MUC22: variants seen among roughly 807,000 people sequenced by gnomAD.
MUC22 encodes the protein mucin 22.
MUC22 carries 24 observed loss-of-function variants against 40.3 expected under a neutral mutation model. The ratio of observed to expected loss-of-function variants is 0.60; its 90% CI spans 0.43 to 0.84. MUC22 has a LOEUF of 0.84. Ranked by LOEUF, MUC22 falls within the 40% of genes least tolerant of loss-of-function variation. The probability of loss-of-function intolerance (pLI) is 0.00; values close to 1 mark genes in which losing one functional copy is unlikely to be tolerated. For synonymous variants in MUC22, 765 were observed against 844.5 expected, an observed-to-expected ratio of 0.91 and a Z score of 1.63; for missense variants, 1,926 against 2,130.7, an observed-to-expected ratio of 0.90 and a Z score of 1.89.
chr6:31,028,926 C>CTACCACAGGCTCTGAGATG lies in MUC22; in HGVS notation c.3495_3496insTACCACAGGCTCTGAGATG (p.Thr1166TyrfsTer5), dbSNP rs1167071722. 2 of 1,506,308 alleles carry CTACCACAGGCTCTGAGATG rather than the reference C, an allele frequency of 1.3e-6. No individual in the cohort carries two copies. The highest frequency in any genetic ancestry group is 2.8e-5 in the African/African-American group (2 of 70,452). The allele number at this position is 1,506,308 out of a possible 1,614,324, so 93.3% of individuals were successfully genotyped here. On this transcript the variant is annotated stop_gained and frameshift_variant, in exon 2 of 4. Coordinates refer to ENST00000561890, the Ensembl canonical transcript of MUC22. LOFTEE classifies it high-confidence loss of function. ...CAGCCTCTACTGAAGGCTCTGAGAT[C>CTACCACAGGCTCTGAGATG]ACTACAGTTTCTACCACAGGCTCTG... is the stretch of plus-strand genomic sequence containing the variant.
At chr6:31,006,187 A>C (rs1052901902), upstream of MUC22, 7 of 349,438 alleles carry the variant, frequency 2.0e-5, no homozygotes, top group East Asian at 7.7e-4. Context: ...ATCATAAGAG[A>C]AGCATTTTTG....
chr6:31,020,725 G>C (rs1428035249), intron 1 of MUC22, among the ~76,000 whole-genome samples: 2 of 152,214 alleles, frequency 1.3e-5, no homozygotes, highest in Non-Finnish European at 2.9e-5. Flanking sequence ...TGTGGAGGGA[G>C]AGGTGCGAGC....
chr6:31,025,842 C>A (rs1223438046), exon 2 of MUC22: 1 of 1,533,552 alleles, frequency 6.5e-7, no homozygotes, highest in South Asian at 1.2e-5. Flanking sequence ...TCTCTGGGAC[C>A]ACAACAACCT....
At chr6:31,022,069 C>T (rs943910611) in intron 1 of MUC22, among the ~76,000 whole-genome samples, 5 of 152,046 alleles carry the variant, frequency 3.3e-5, no homozygotes, top group African/African-American at 9.7e-5. Context: ...AGGTTTGCAG[C>T]TTCACTCATG....
chr6:31,017,047 T>C (rs9262477), intron 1 of MUC22, among the ~76,000 whole-genome samples: 58,559 of 152,018 alleles, frequency 0.39, 11,502 homozygotes, highest in East Asian at 0.47. Context: ...GGGCACGGCT[T>C]GGGACCTGCA....
Position 31,032,263 on chromosome 6 carries a change from C to T in MUC22, c.4737C>T (p.Phe1579=), listed in dbSNP as rs185820579. The T allele has an allele frequency of 5.2e-6, 8 of 1,535,684 alleles. No homozygotes were observed. In the Admixed American group the frequency reaches 1.6e-4, roughly 30 times the overall value. The change falls in exon 3 of 4, where the codon TTC becomes TTT. Residue 1579 remains phenylalanine (F), a synonymous_variant. Transcript: ENST00000561890. This position sits in a 1 kb window ranked among gnomAD's most constrained non-coding sequence, Gnocchi z 4.1. ...TCACCATGGCCCCTGGAATGGACTT[C>T]ACGGCCTCTGCTGCCAGCCATACTG...
chr6:31,025,604 C>T, exon 2 of MUC22: 1 of 1,524,060 alleles, frequency 6.6e-7, no homozygotes, highest in Non-Finnish European at 8.8e-7. Flanking sequence ...TCTACTTCGG[C>T]CTTAACTACA....
At chr6:31,013,543 G>A (rs908069421) in intron 1 of MUC22, among the ~76,000 whole-genome samples, 1 of 152,152 alleles carries the variant, frequency 6.6e-6, no homozygotes, top group Non-Finnish European at 1.5e-5. Context: ...TTCTGAAAAA[G>A]AAATACTTGT....
At chr6:31,020,307 C>T (rs897907230) in intron 1 of MUC22, among the ~76,000 whole-genome samples, 29 of 152,094 alleles carry the variant, frequency 1.9e-4, no homozygotes, top group African/African-American at 2.2e-4. Flanking sequence ...GAAGCAACAT[C>T]ATTAAAATAC....
exon 2 of MUC22, chr6:31,027,381 C>A (rs13214865): frequency 2.6e-6 from 4 of 1,532,818 alleles, no homozygotes; most frequent in Non-Finnish European, 3.5e-6. Flanking sequence ...CAGTCTCCAC[C>A]ACAGGCTCTG....
chr6:31,014,190 G>C (rs1764040672), intron 1 of MUC22, among the ~76,000 whole-genome samples: 1 of 151,534 alleles, frequency 6.6e-6, no homozygotes, highest in South Asian at 2.1e-4. Flanking sequence ...ATCCGTTCTT[G>C]TAATTTTTGT....
chr6:31,022,260 C>T (rs75217879), intron 1 of MUC22, among the ~76,000 whole-genome samples: 18,211 of 152,042 alleles, frequency 0.12, 1,273 homozygotes, highest in African/African-American at 0.17. Flanking sequence ...TGGGTTCAAG[C>T]GATTTTCCTG....
chr6:31,014,339 T>C (rs1015391056), intron 1 of MUC22, among the ~76,000 whole-genome samples: 1 of 151,900 alleles, frequency 6.6e-6, no homozygotes, highest in Non-Finnish European at 1.5e-5. Flanking sequence ...AGTTTCACTT[T>C]TTTCCCTTGA....
At chr6:31,027,816 C>T (rs1373471572) in exon 2 of MUC22, 1 of 1,534,804 alleles carries the variant, frequency 6.5e-7, no homozygotes, top group Non-Finnish European at 8.7e-7. Flanking sequence ...GCTCTGAGAC[C>T]ACTACAGTTT....
At chr6:31,034,549 A>T in intron 3 of MUC22, 123 bp from the exon 4 acceptor site, 1 of 743,828 alleles carries the variant, frequency 1.3e-6, no homozygotes, top group Non-Finnish European at 2.1e-6. Context: ...ATGGTGGTAA[A>T]GAGAAGAGAA....
intron 1 of MUC22, among the ~76,000 whole-genome samples, chr6:31,020,920 T>A (rs960549105): frequency 1.1e-4 from 17 of 152,326 alleles, no homozygotes; most frequent in South Asian, 6.2e-4. Flanking sequence ...CCACTGGCGC[T>A]GCACTGGATT....
upstream of MUC22, among the ~76,000 whole-genome samples, chr6:31,007,258 A>G (rs1273443948): frequency 6.6e-6 from 1 of 151,636 alleles, no homozygotes; most frequent in Non-Finnish European, 1.5e-5. This position sits in a 1 kb window ranked among gnomAD's most constrained non-coding sequence, Gnocchi z 4.0. Context: ...ACTCAAGCAC[A>G]TAGGACATTT....
chr6:31,017,789 T>C (rs1764342049), intron 1 of MUC22, among the ~76,000 whole-genome samples: 1 of 152,190 alleles, frequency 6.6e-6, no homozygotes, highest in Non-Finnish European at 1.5e-5. Context: ...AGGATGTGGG[T>C]GCCACCAGAT....
At chr6:31,008,183 A>AT (rs973831765), upstream of MUC22, among the ~76,000 whole-genome samples, 1 of 152,250 alleles carries the variant, frequency 6.6e-6, no homozygotes, top group Admixed American at 6.5e-5. Context: ...TGATAGTTTA[A>AT]TTCCTGACTC....
Sources: allele counts gnomAD v4.1 joint callset (sites outside exome capture counted in the v4.1 genomes callset), GRCh38; gene constraint gnomAD v4.1.1; non-coding constraint Gnocchi (gnomAD v3.1); transcripts MANE v1.5; gene names NCBI Gene and HGNC (gene_info 2026-07-23, HGNC 2026-07-21).